Variants in GNAL observed in about 807,000 individuals in gnomAD.
GNAL encodes guanine nucleotide-binding protein G(olf) subunit alpha.
GNAL carries 18 observed loss-of-function variants against 55.1 expected under a neutral mutation model. The ratio of observed to expected loss-of-function variants is 0.33; its 90% CI spans 0.23 to 0.48. GNAL has a LOEUF of 0.48. Among genes scored for constraint, GNAL ranks in the 20% least tolerant of loss-of-function variants. GNAL has a pLI of 0.99. For synonymous variants in GNAL, 253 were observed against 237.0 expected (o/e 1.07, Z -0.62); for missense variants, 412 against 614.1 (o/e 0.67, Z 3.48).
At chr18:11,750,165 T>C (rs972288854) in intron 1 of GNAL, among the ~76,000 whole-genome samples, 5 of 152,034 alleles carry the variant, frequency 3.3e-5, no homozygotes, top group African/African-American at 9.7e-5. Flanking sequence ...CTGTTGGGGT[T>C]TGTAAGAAAA....
intron 4 of GNAL, among the ~76,000 whole-genome samples, chr18:11,789,873 C>T (rs759601699): frequency 1.3e-5 from 2 of 152,214 alleles, no homozygotes; most frequent in Non-Finnish European, 2.9e-5. Context: ...CAGCTTCTAG[C>T]TCATTGATGC....
At chr18:11,863,728 C>T (rs538861892) in intron 6 of GNAL, among the ~76,000 whole-genome samples, 17 of 152,178 alleles carry the variant, frequency 1.1e-4, no homozygotes, top group African/African-American at 3.4e-4. Flanking sequence ...CTCGTCCCCT[C>T]GGGGTACCAC....
intron 11 of GNAL, among the ~76,000 whole-genome samples, chr18:11,879,805 A>G (rs116631802): frequency 1.3e-5 from 2 of 152,342 alleles, no homozygotes; most frequent in African/African-American, 4.8e-5. Context: ...TTTCTCAGGT[A>G]CTTGATAACA....
rs1228993425 is a variant in GNAL at position 11,882,093 on chromosome 18, A to AAGTT, written c.*960_*963dup. ...AATACTCCCTGATTTAAAAAATTGT[A>AAGTT]AGTTATACACGTTAATCATCCACAT... is the stretch of plus-strand genomic sequence containing the variant. On this transcript the variant is annotated 3_prime_UTR_variant, in exon 12 of 12. Coordinates refer to ENST00000334049, the MANE Select transcript of GNAL (RefSeq NM_182978.4). 6.6e-6 allele frequency: 1 copy of AAGTT among 152,206 alleles called. No individual in the cohort carries two copies. The highest frequency in any genetic ancestry group is 2.4e-5 in the African/African-American group (1 of 41,456). The allele number at this position is 152,206 out of a possible 1,614,324, so 9.4% of individuals were successfully genotyped here.
intron 5 of GNAL, among the ~76,000 whole-genome samples, chr18:11,842,601 A>G (rs1786570): frequency 0.6 from 90,610 of 151,842 alleles, 30,478 homozygotes; most frequent in Admixed American, 0.76. Context: ...GGAGCATGCA[A>G]CCTAGATCCC....
At chr18:11,826,070 A>G (rs1013243816) in intron 5 of GNAL, among the ~76,000 whole-genome samples, 34 of 152,320 alleles carry the variant, frequency 2.2e-4, no homozygotes, top group Non-Finnish European at 3.2e-4. Context: ...TTTGGAACCA[A>G]TCAGTGGAGC....
At chr18:11,833,420 G>A (rs1440441503) in intron 5 of GNAL, 2 of 152,202 alleles carry the variant, frequency 1.3e-5, no homozygotes, top group Non-Finnish European at 2.9e-5. Flanking sequence ...AAAAATAAAT[G>A]TAGCAGCAGG....
At chr18:11,841,026 C>T (rs925770287) in intron 5 of GNAL, among the ~76,000 whole-genome samples, 1 of 151,858 alleles carries the variant, frequency 6.6e-6, no homozygotes, top group Admixed American at 6.6e-5. Context: ...ATGTGCACCA[C>T]GATGCCCAGC....
intron 4 of GNAL, among the ~76,000 whole-genome samples, chr18:11,771,982 A>G (rs1296152677): frequency 3.3e-5 from 5 of 151,684 alleles, no homozygotes; most frequent in African/African-American, 4.8e-5. Context: ...CAGCCTCCCA[A>G]AGTGCTGGGA....
intron 9 of GNAL, among the ~76,000 whole-genome samples, chr18:11,869,345 A>G (rs909096116): frequency 5.3e-5 from 8 of 151,996 alleles, no homozygotes; most frequent in African/African-American, 9.6e-5. Flanking sequence ...GGGTTTCACC[A>G]TGTTAGCCAG....
chr18:11,738,410 G>A (rs1385070701), intron 1 of GNAL, among the ~76,000 whole-genome samples: 1 of 151,990 alleles, frequency 6.6e-6, no homozygotes, highest in East Asian at 1.9e-4. Flanking sequence ...CTCCCTGAGG[G>A]GAGGGCTGTC....
intron 9 of GNAL, among the ~76,000 whole-genome samples, chr18:11,871,844 T>C (rs2586209): frequency 6.6e-6 from 1 of 152,248 alleles, no homozygotes; most frequent in Non-Finnish European, 1.5e-5. Flanking sequence ...AGAAAGTGCT[T>C]AACTACAGAT....
chr18:11,773,570 A>T (rs900926763), intron 4 of GNAL, among the ~76,000 whole-genome samples: 1 of 152,182 alleles, frequency 6.6e-6, no homozygotes, highest in Admixed American at 6.5e-5. Flanking sequence ...GTTCAAGACC[A>T]GACCAGCCTG....
chr18:11,705,415 G>A (rs550729455), intron 1 of GNAL, among the ~76,000 whole-genome samples: 20 of 152,298 alleles, frequency 1.3e-4, no homozygotes, highest in South Asian at 6.2e-4. Context: ...TGCAGCAAAC[G>A]TAAGAGTGCA....
intron 5 of GNAL, among the ~76,000 whole-genome samples, chr18:11,856,799 T>A (rs1220396916): frequency 6.6e-6 from 1 of 152,050 alleles, no homozygotes; most frequent in Non-Finnish European, 1.5e-5. Context: ...GGCATGATGG[T>A]GCACACCTGT....
At chr18:11,702,029 G>A (rs960946882) in intron 1 of GNAL, 1 of 152,186 alleles carries the variant, frequency 6.6e-6, no homozygotes, top group African/African-American at 2.4e-5. Context: ...CCACAAAAGG[G>A]AACCTTTGAC....
intron 4 of GNAL, among the ~76,000 whole-genome samples, chr18:11,754,284 G>A (rs1479959995): frequency 6.6e-6 from 1 of 152,058 alleles, no homozygotes; most frequent in Non-Finnish European, 1.5e-5. Flanking sequence ...GGGCATGGTG[G>A]TGTGCGCCTG....
chr18:11,814,005 A>G (rs1425023318), intron 4 of GNAL, among the ~76,000 whole-genome samples: 6 of 152,214 alleles, frequency 3.9e-5, no homozygotes, highest in Non-Finnish European at 8.8e-5. Flanking sequence ...AAAAAAAGTG[A>G]ATATTGACCC....
At chr18:11,792,132 G>A (rs1431723642) in intron 4 of GNAL, among the ~76,000 whole-genome samples, 1 of 151,964 alleles carries the variant, frequency 6.6e-6, no homozygotes, top group Non-Finnish European at 1.5e-5. Flanking sequence ...CTTTGGTCAC[G>A]AAATTATATC....
Sources: allele counts gnomAD v4.1 joint callset (sites outside exome capture counted in the v4.1 genomes callset), GRCh38; gene constraint gnomAD v4.1.1; transcripts MANE v1.5; gene names NCBI Gene and HGNC (gene_info 2026-07-23, HGNC 2026-07-21).